ISL2: variants seen among roughly 807,000 people sequenced by gnomAD.
The protein encoded by ISL2 is insulin gene enhancer protein ISL-2.
ISL2 carries 17 observed loss-of-function variants against 34.6 expected under a neutral mutation model. The ratio of observed to expected loss-of-function variants is 0.49; its 90% CI spans 0.34 to 0.74. ISL2 has a LOEUF of 0.74. ISL2 is among the 30% of genes least tolerant of loss of function. The probability of loss-of-function intolerance (pLI) is 0.01; values close to 1 mark genes in which losing one functional copy is unlikely to be tolerated. For missense variants in ISL2, 469 were observed against 515.2 expected, an observed-to-expected ratio of 0.91 and a Z score of 0.87; for synonymous variants, 232 against 225.5, an observed-to-expected ratio of 1.03 and a Z score of -0.26.
At position 76,341,287 on chromosome 15, in the gene ISL2, G is replaced by T. The variant is rs1184789782; in HGVS notation, c.949G>T (p.Ala317Ser). ...CCTCCAGAGCGACCTGGACCAACCC[G>T]CCTTCCAACAGCTGGTGAGGCCCTG... The part of the protein sequence containing the change: ...FALQSDLDQP[A>S]FQQLVSFSES... Residue 317 changes from alanine to serine, a missense_variant, in exon 5 of 6, where the codon GCC becomes TCC. Around this residue, in one of 3 missense-constraint regions of ISL2, gnomAD observed 169 missense variants for 154.2 expected, o/e 1.10. Transcript: ENST00000290759. 1.2e-6 allele frequency: 2 copies of T among 1,602,228 alleles called. No homozygotes were observed.
chr15:76,339,669 C>A, intron 3 of ISL2: 1 of 985,642 alleles, frequency 1.0e-6, no homozygotes, highest in Non-Finnish European at 1.2e-6. Flanking sequence ...AGACAGGGGC[C>A]GAAGCCCAAG....
In ISL2 at chr15:76,336,909, C is replaced by G. The variant is rs148510226; in HGVS notation, c.26C>G (p.Pro9Arg). The G allele has an allele frequency of 1.0e-4, 168 of 1,613,238 alleles. 1 individual carries two copies. Among genetic ancestry groups the G allele is most frequent in the Admixed American group, 5.3e-4 (32 of 60,012 alleles). Residue 9 changes from proline (P) to arginine (R), a missense_variant, in exon 1 of 6, where the codon CCT becomes CGT. Physicochemically the swap from Pro to Arg is moderately radical, Grantham distance 103. Around this residue, in one of 3 missense-constraint regions of ISL2, gnomAD observed 297 missense variants for 337.8 expected, o/e 0.88. Transcript: ENST00000290759. Reference sequence around the variant, plus strand: ...ATGGTGGATATTATTTTTCATTATCCTTTTCTGGGTGCTATGGGTGATCAT... The same window carrying G: ...ATGGTGGATATTATTTTTCATTATCGTTTTCTGGGTGCTATGGGTGATCAT... MVDIIFHY[P>R]FLGAMGDHSK... is the part of the protein sequence containing the mutation.
At chr15:76,339,946 C>T (rs2040181044) in intron 3 of ISL2, 6 of 1,144,918 alleles carry the variant, frequency 5.2e-6, no homozygotes, top group South Asian at 3.0e-5. Flanking sequence ...GGGCTTCGCT[C>T]GTTCCGAGGG....
chr15:76,338,603 G>T, intron 3 of ISL2, 89 bp downstream of exon 3: 1 of 1,250,490 alleles, frequency 8.0e-7, no homozygotes, highest in Non-Finnish European at 1.0e-6. Context: ...ACGAGAAGTT[G>T]TCAGTTGTGT....
At chr15:76,337,031 A>G in intron 1 of ISL2, 90 bp downstream of exon 1, 1 of 1,157,356 alleles carries the variant, frequency 8.6e-7, no homozygotes, top group Non-Finnish European at 1.3e-6. Context: ...AGTGGATTCT[A>G]CAAGTGGCTT....
chr15:76,337,908 C>G lies in ISL2; in HGVS notation c.189C>G (p.Asp63Glu). The G allele has an allele frequency of 1.2e-6, 2 of 1,612,462 alleles. No homozygotes were observed. The highest frequency in any genetic ancestry group is 1.7e-6 in the Non-Finnish European group (2 of 1,179,494). Residue 63 changes from aspartate to glutamate, a missense_variant, in exon 2 of 6, where the codon GAC (aspartate) becomes GAG (glutamate). Asp to Glu is a conservative substitution (Grantham distance 45). Around this residue, in one of 3 missense-constraint regions of ISL2, gnomAD observed 297 missense variants for 337.8 expected, o/e 0.88. Transcript: ENST00000290759. ...LKCAECSQYLDETCTCFVRDG... is the reference protein window; with the variant it reads ...LKCAECSQYLEETCTCFVRDG... ...GTGCCGAGTGCAGCCAGTACCTGGA[C>G]GAGACGTGCACGTGCTTCGTGAGAG...
At chr15:76,340,205 C>T (rs1322309191) in intron 3 of ISL2, 71 bp from the exon 4 acceptor site, 1 of 1,465,788 alleles carries the variant, frequency 6.8e-7, no homozygotes. Flanking sequence ...GGCTGGGCCA[C>T]CCGGAGGTTG....
At position 76,339,136 on chromosome 15, in the gene ISL2, T is replaced by C. The variant is rs745506123; in HGVS notation, c.511+622T>C. On this transcript the variant is annotated intron_variant, in intron 3 of 5. Coordinates refer to ENST00000290759, the MANE Select transcript of ISL2 (RefSeq NM_145805.3). ...TGCCCAGAGATGGGGTCTGAGTGTA[T>C]AATGGGCAGGTACGGCTGAACAGAA... 8.7e-5 allele frequency: 86 copies of C among 985,300 alleles called. No individual in the cohort carries two copies. The Middle Eastern group carries it at 2.1e-3, about 24-fold the overall frequency. 61.0% of individuals were successfully genotyped at this position (985,300 alleles called of 1,614,324 possible).
In ISL2 at chr15:76,336,874, C is replaced by G; in HGVS notation, c.-10C>G. The stretch of plus-strand genomic sequence containing the variant: ...CTGGCCGCACACTTTGCGCACATCT[C>G]TTTTTCTGCATGGTGGATATTATTT... On this transcript the variant is annotated 5_prime_UTR_variant, in exon 1 of 6. Coordinates refer to ENST00000290759, the MANE Select transcript of ISL2 (RefSeq NM_145805.3). The G allele has an allele frequency of 6.2e-7, 1 of 1,612,854 alleles. No individual in the cohort carries two copies. Among genetic ancestry groups the G allele is most frequent in the East Asian group, 2.2e-5 (1 of 44,890 alleles).
intron 3 of ISL2, chr15:76,338,965 G>T: frequency 1.0e-6 from 1 of 985,390 alleles, no homozygotes; most frequent in Non-Finnish European, 1.2e-6. Context: ...GGTCAGCCAG[G>T]AGCCAAGAAC....
Position 76,337,772 on chromosome 15 carries a change from C to A in ISL2, c.59-6C>A. 6.3e-7 allele frequency: 1 copy of A among 1,579,026 alleles called. No individual in the cohort carries two copies. On this transcript the variant is annotated splice_polypyrimidine_tract_variant and splice_region_variant and intron_variant, in intron 1 of 5. Coordinates refer to ENST00000290759, the MANE Select transcript of ISL2 (RefSeq NM_145805.3). Reference sequence around the variant, plus strand: ...CCTGACGCGGCCCCGCGCCCTTCCCCGGCAGAGAAGCCCGGGACGGCCATG... The same window carrying A: ...CCTGACGCGGCCCCGCGCCCTTCCCAGGCAGAGAAGCCCGGGACGGCCATG...
intron 3 of ISL2, chr15:76,339,259 T>C (rs980894992): frequency 1.0e-6 from 1 of 985,314 alleles, no homozygotes; most frequent in Admixed American, 6.1e-5. Context: ...GGGTGCTGTG[T>C]GGCCTTGCCC....
At chr15:76,339,718 G>GT (rs1483671632) in intron 3 of ISL2, 2 of 986,144 alleles carry the variant, frequency 2.0e-6, no homozygotes, top group East Asian at 2.3e-4. Context: ...CTGGAGGCCC[G>GT]TCCATAACCG....
intron 5 of ISL2, 105 bp from the exon 6 acceptor site, chr15:76,341,614 G>A: frequency 1.1e-6 from 1 of 881,484 alleles, no homozygotes; most frequent in East Asian, 2.4e-5. Flanking sequence ...CTCTCAGCTG[G>A]CGGCCGGTCC....
At chr15:76,340,785 G>A (rs1405807828) in intron 4 of ISL2, among the ~76,000 whole-genome samples, 2 of 152,264 alleles carry the variant, frequency 1.3e-5, no homozygotes, top group African/African-American at 2.4e-5. Context: ...CGCGTTGCGG[G>A]TTCCGGGCGC....
chr15:76,338,444 C>A lies in ISL2; in HGVS notation c.441C>A (p.Leu147=). 19 of 1,443,204 alleles carry A rather than the reference C, an allele frequency of 1.3e-5. No homozygotes were observed. The highest frequency in any genetic ancestry group is 1.6e-5 in the Non-Finnish European group (18 of 1,101,744). 89.4% of individuals were successfully genotyped at this position (1,443,204 alleles called of 1,614,324 possible). The part of the protein sequence containing the change: ...LLCRADHGLL[L]ERAAAGSPRS... ...GCCGCGCCGACCACGGCCTCCTGCTCGAGCGCGCCGCGGCCGGCAGCCCGC... is the reference window on the plus strand; with the variant it reads ...GCCGCGCCGACCACGGCCTCCTGCTAGAGCGCGCCGCGGCCGGCAGCCCGC... Residue 147 remains leucine (L), a synonymous_variant, in exon 3 of 6, where the codon CTC becomes CTA. Coordinates refer to ENST00000290759, the MANE Select transcript of ISL2 (RefSeq NM_145805.3).
At chr15:76,338,655 G>A (rs766636006) in intron 3 of ISL2, 141 bp downstream of exon 3, 6 of 1,229,160 alleles carry the variant, frequency 4.9e-6, no homozygotes, top group African/African-American at 1.6e-5. Flanking sequence ...GTATCAGTGC[G>A]GAACTGTGTG....
rs1367256062 is a variant in ISL2, at chr15:76,339,558, T to C, written c.512-718T>C. 3.0e-6 allele frequency: 3 copies of C among 985,540 alleles called. No individual in the cohort carries two copies. In the African/African-American group the frequency reaches 5.2e-5, roughly 17 times the overall value. 61.0% of individuals were successfully genotyped at this position (985,540 alleles called of 1,614,324 possible). A position where few individuals can be genotyped will look rare whatever the true frequency, so the allele number is the denominator to read the frequency against. Reference sequence around the variant, plus strand: ...GGAATCAGTCACTGTTTCCCCGGGATGGAGAGAACCTGGGGCCAAGCGAGG... The same window carrying C: ...GGAATCAGTCACTGTTTCCCCGGGACGGAGAGAACCTGGGGCCAAGCGAGG... On this transcript the variant is annotated intron_variant, in intron 3 of 5. Coordinates refer to ENST00000290759, the MANE Select transcript of ISL2 (RefSeq NM_145805.3).
chr15:76,340,218 C>T, intron 3 of ISL2, 58 bp from the exon 4 acceptor site: 1 of 1,472,596 alleles, frequency 6.8e-7, no homozygotes, highest in Non-Finnish European at 9.0e-7. Flanking sequence ...GGAGGTTGGG[C>T]TCGGGGCGGG....
Sources: gnomAD v4.1 joint callset for allele counts (sites outside exome capture counted in the v4.1 genomes callset) on GRCh38, gnomAD v4.1.1 for gene constraint, gnomAD v4.1.1 regional missense constraint, MANE v1.5 for transcripts, NCBI Gene and HGNC (gene_info 2026-07-23, HGNC 2026-07-21) for gene names.